Variants in ZNF831 observed in about 807,000 individuals in gnomAD.
ZNF831 encodes chromosome 20 open reading frame 174.
A neutral mutation model predicts 95.8 loss-of-function variants in ZNF831; 59 were observed. The ratio of observed to expected loss-of-function variants is 0.62; its 90% CI spans 0.50 to 0.77. The LOEUF (loss-of-function observed/expected upper bound fraction) is 0.77, where lower values mean the gene tolerates loss of function less well. Among genes scored for constraint, ZNF831 ranks in the 30% least tolerant of loss-of-function variants. The probability of loss-of-function intolerance (pLI) is 0.00; values close to 1 mark genes in which losing one functional copy is unlikely to be tolerated. For synonymous variants in ZNF831, 961 were observed against 925.5 expected (o/e 1.04, Z -0.70); for missense variants, 2,205 against 2,164.0 (o/e 1.02, Z -0.38).
In ZNF831 at chr20:59,225,217, G is replaced by A. The variant is rs150921196; in HGVS notation, c.4027+18161G>A. ...TTAAAGCTAAGAAAACCCACTTAAC[G>A]TGGTTTACTCTGGAAGTCTCCTTGA... On this transcript the variant is annotated intron_variant, in intron 4 of 5. Transcript: ENST00000371030. 9.3e-4 allele frequency among the ~76,000 whole-genome samples: 141 copies of A among 152,224 alleles called. 1 individual carries two copies. The highest frequency in any genetic ancestry group is 2.8e-3 in the African/African-American group (117 of 41,530).
Position 59,194,373 on chromosome 20 carries a change from C to T in ZNF831, c.3354C>T (p.Pro1118=), listed in dbSNP as rs749120394. 3.1e-6 allele frequency: 5 copies of T among 1,611,190 alleles called. No individual in the cohort carries two copies. Among genetic ancestry groups the T allele is most frequent in the East Asian group, 2.2e-5 (1 of 44,870 alleles). ...GNAPEDPSSG[P]LVGPDPCSPL... is the part of the protein sequence containing the mutation. Reference sequence around the variant, plus strand: ...CCCCAGAAGATCCTTCTTCAGGGCCCCTGGTGGGCCCCGACCCGTGTTCCC... The same window carrying T: ...CCCCAGAAGATCCTTCTTCAGGGCCTCTGGTGGGCCCCGACCCGTGTTCCC... The change falls in exon 2 of 6, where the codon CCC becomes CCT. Residue 1118 remains proline (P), a synonymous_variant. Transcript: ENST00000371030.
chr20:59,196,845 T>C (rs1230912543), intron 3 of ZNF831, among the ~76,000 whole-genome samples: 1 of 152,064 alleles, frequency 6.6e-6, no homozygotes, highest in African/African-American at 2.4e-5. Flanking sequence ...TGGCGTGATC[T>C]CGGCTCACTG....
chr20:59,153,092 C>T (rs184005129), intron 2 of ZNF831, among the ~76,000 whole-genome samples: 14 of 152,218 alleles, frequency 9.2e-5, no homozygotes. Flanking sequence ...TCCCACTTTG[C>T]CATCGCCACC....
At chr20:59,182,570 A>C (rs750192542) in intron 1 of ZNF831, among the ~76,000 whole-genome samples, 2 of 152,000 alleles carry the variant, frequency 1.3e-5, no homozygotes, top group Non-Finnish European at 2.9e-5. Context: ...AGCCAACCTG[A>C]CATCAAGCTT....
In ZNF831 at chr20:59,192,656, C is replaced by T. The variant is rs931691140; in HGVS notation, c.1637C>T (p.Ser546Leu). 5 of 1,516,374 alleles carry T rather than the reference C, an allele frequency of 3.3e-6. No individual in the cohort carries two copies. The highest frequency in any genetic ancestry group is 4.4e-6 in the Non-Finnish European group (5 of 1,133,502). 93.9% of individuals were successfully genotyped at this position (1,516,374 alleles called of 1,614,324 possible). ...GGCCCAGCCCGCCTGGGCTGCCGCT[C>T]GGGACTAAGCTCGACTGACGTTCCC... ...RPGPARLGCRSGLSSTDVPSG... is the reference protein window; with the variant it reads ...RPGPARLGCRLGLSSTDVPSG... The change falls in exon 2 of 6, where the codon TCG (serine) becomes TTG (leucine). Residue 546 changes from serine (S) to leucine (L), a missense_variant. Physicochemically the swap from Ser to Leu is moderately radical, Grantham distance 145. Transcript: ENST00000371030. This position sits in a 1 kb window ranked among gnomAD's most constrained non-coding sequence, Gnocchi z 5.2.
chr20:59,163,475 A>G (rs746705553), upstream of ZNF831, among the ~76,000 whole-genome samples: 7 of 152,204 alleles, frequency 4.6e-5, no homozygotes, highest in Admixed American at 6.5e-5. Context: ...ATTGCAGTGG[A>G]AATGCTCATT....
At chr20:59,138,948 C>A (rs934143852) in intron 1 of ZNF831, among the ~76,000 whole-genome samples, 4 of 152,108 alleles carry the variant, frequency 2.6e-5, no homozygotes, top group Non-Finnish European at 5.9e-5. Context: ...TTCGCAAATC[C>A]CCTCCTCAGA....
chr20:59,168,744 C>T (rs752161285), intron 1 of ZNF831, among the ~76,000 whole-genome samples: 22 of 152,104 alleles, frequency 1.4e-4, no homozygotes, highest in Non-Finnish European at 2.5e-4. Context: ...TGCTTTTAAT[C>T]ACATTAAGAG....
chr20:59,210,526 C>T (rs1212033869), intron 4 of ZNF831, among the ~76,000 whole-genome samples: 1 of 152,224 alleles, frequency 6.6e-6, no homozygotes, highest in Non-Finnish European at 1.5e-5. Flanking sequence ...ACAGGGGACA[C>T]AGTTCCCAAC....
At chr20:59,148,946 G>A (rs1980058477) in intron 2 of ZNF831, among the ~76,000 whole-genome samples, 3 of 152,130 alleles carry the variant, frequency 2.0e-5, no homozygotes, top group Admixed American at 2.0e-4. Flanking sequence ...GAGAGCAGGT[G>A]CAGTTGCAGC....
chr20:59,142,371 G>A (rs1482514504), intron 1 of ZNF831, among the ~76,000 whole-genome samples: 2 of 152,168 alleles, frequency 1.3e-5, no homozygotes, highest in Non-Finnish European at 2.9e-5. Flanking sequence ...TAGCCAATGG[G>A]CACTGGAGCT....
chr20:59,186,310 A>G (rs1983030293), intron 1 of ZNF831, among the ~76,000 whole-genome samples: 1 of 152,170 alleles, frequency 6.6e-6, no homozygotes, highest in Admixed American at 6.5e-5. Context: ...ATCCCTTGCT[A>G]GAGGCGATGC....
At chr20:59,123,943 A>G (rs954705214) in intron 1 of ZNF831, among the ~76,000 whole-genome samples, 1 of 152,222 alleles carries the variant, frequency 6.6e-6, no homozygotes, top group East Asian at 1.9e-4. Flanking sequence ...TTGAAAGGAT[A>G]TTAAAGTTTT....
chr20:59,257,764 T>G lies in ZNF831; in HGVS notation c.*3021T>G, dbSNP rs563432671. 2 of 152,352 alleles carry G rather than the reference T, an allele frequency of 1.3e-5. No homozygotes were observed. Among genetic ancestry groups the G allele is most frequent in the Admixed American group, 1.3e-4 (2 of 15,308 alleles). 9.4% of individuals were successfully genotyped at this position (152,352 alleles called of 1,614,324 possible). A position where few individuals can be genotyped will look rare whatever the true frequency, so the allele number is the denominator to read the frequency against. On this transcript the variant is annotated 3_prime_UTR_variant, in exon 6 of 6. Transcript: ENST00000371030. ...TCTTTAGGTAAGGGTCTTAACCAAC[T>G]GATGCCTCAGTTTCTTCCACAGAGA...
intron 1 of ZNF831, among the ~76,000 whole-genome samples, chr20:59,187,316 C>G (rs1983131848): frequency 6.6e-6 from 1 of 152,040 alleles, no homozygotes; most frequent in Non-Finnish European, 1.5e-5. Flanking sequence ...ACGTGGAGCC[C>G]TCATGAGTGG....
rs761110131 is a variant in ZNF831, at chr20:59,206,938, G to C, written c.3909G>C (p.Gln1303His). ...GGAATTTCTTGCAGAGCTGTGTTCA[G>C]CTGAGAGCCAGTAGACTTCGCACAC... ...YKGNFLQSCV[Q>H]LRASRLRTPT... The change falls in exon 4 of 6, where the codon CAG becomes CAC. Residue 1303 changes from glutamine to histidine, a missense_variant. Gln to His is a conservative substitution (Grantham distance 24). Transcript: ENST00000371030. 6.2e-7 allele frequency: 1 copy of C among 1,614,222 alleles called. No homozygotes were observed. Among genetic ancestry groups the C allele is most frequent in the East Asian group, 2.2e-5 (1 of 44,882 alleles).
In ZNF831 at chr20:59,192,591, C is replaced by T. The variant is rs960758596; in HGVS notation, c.1572C>T (p.Asp524=). The change falls in exon 2 of 6, where the codon GAC becomes GAT. Residue 524 remains aspartate (D), a synonymous_variant. Transcript: ENST00000371030. The surrounding 1 kb of genome is among the most constrained non-coding windows in gnomAD (Gnocchi z 5.2). ...GGCTGGAGCCCAGGGAGCCCCGGGACCCCTGGTCCAGGACGCAGAAGCCTC... is the reference window on the plus strand; with the variant it reads ...GGCTGGAGCCCAGGGAGCCCCGGGATCCCTGGTCCAGGACGCAGAAGCCTC... The part of the protein sequence containing the change: ...RTWLEPREPR[D]PWSRTQKPLS... The T allele has an allele frequency of 6.6e-7, 1 of 1,511,486 alleles. No homozygotes were observed. The highest frequency in any genetic ancestry group is 8.8e-7 in the Non-Finnish European group (1 of 1,133,734). The allele number at this position is 1,511,486 out of a possible 1,614,324, so 93.6% of individuals were successfully genotyped here. A position where few individuals can be genotyped will look rare whatever the true frequency, so the allele number is the denominator to read the frequency against.
chr20:59,233,910 GC>G (rs1401314772), intron 4 of ZNF831, among the ~76,000 whole-genome samples: 1 of 152,190 alleles, frequency 6.6e-6, no homozygotes, highest in East Asian at 1.9e-4. Context: ...CAGGCATGCA[GC>G]CACCCTCATC....
intron 1 of ZNF831, among the ~76,000 whole-genome samples, chr20:59,172,570 G>A (rs562442338): frequency 6.6e-5 from 10 of 152,218 alleles, no homozygotes; most frequent in African/African-American, 1.4e-4. Context: ...TGATACACCC[G>A]GCCCAGCAGG....
Sources: allele counts gnomAD v4.1 joint callset (sites outside exome capture counted in the v4.1 genomes callset), GRCh38; gene constraint gnomAD v4.1.1; non-coding constraint Gnocchi (gnomAD v3.1); transcripts MANE v1.5; gene names NCBI Gene and HGNC (gene_info 2026-07-23, HGNC 2026-07-21).